The following CLYBL variants were observed in gnomAD, a reference collection of about 807,000 sequenced individuals.
The protein encoded by CLYBL is citramalyl-CoA lyase, mitochondrial.
In CLYBL, 31 loss-of-function variants were observed where a neutral mutation model predicts 38.9. The ratio of observed to expected loss-of-function variants is 0.80; its 90% confidence interval spans 0.60 to 1.08. The LOEUF (loss-of-function observed/expected upper bound fraction) is 1.08. CLYBL is among the 50% of genes least tolerant of loss of function. The pLI is 0.00. For missense variants in CLYBL, 434 were observed against 411.6 expected, an observed-to-expected ratio of 1.05 and a Z score of -0.47; for synonymous variants, 171 against 158.6, an observed-to-expected ratio of 1.08 and a Z score of -0.59.
intron 1 of CLYBL, among the ~76,000 whole-genome samples, chr13:99,661,384 A>G (rs2047406859): frequency 6.6e-6 from 1 of 152,150 alleles, no homozygotes; most frequent in South Asian, 2.1e-4. Context: ...TTTGTAACAG[A>G]TTGTTTTCCT....
At chr13:99,687,792 G>A (rs569952820) in intron 1 of CLYBL, among the ~76,000 whole-genome samples, 65 of 152,314 alleles carry the variant, frequency 4.3e-4, no homozygotes, top group African/African-American at 1.5e-3. Flanking sequence ...TTAGTTATGT[G>A]AGAATATGTC....
At chr13:99,822,076 A>ATC (rs1454176240) in intron 2 of CLYBL, among the ~76,000 whole-genome samples, 1 of 152,212 alleles carries the variant, frequency 6.6e-6, no homozygotes, top group Non-Finnish European at 1.5e-5. Flanking sequence ...CAGTAGGGCC[A>ATC]TCTTAGATCA....
chr13:99,666,248 G>GTGAA (rs1262233848), intron 1 of CLYBL, among the ~76,000 whole-genome samples: 6 of 152,304 alleles, frequency 3.9e-5, no homozygotes, highest in African/African-American at 1.4e-4. Flanking sequence ...GGAGGTGGAG[G>GTGAA]TGAACACTGA....
At chr13:99,716,395 C>CTTTTTT (rs71689410) in intron 1 of CLYBL, among the ~76,000 whole-genome samples, 48 of 135,252 alleles carry the variant, frequency 3.5e-4, no homozygotes, top group African/African-American at 1.1e-3. Context: ...CTTTTCTTTT[C>CTTTTTT]TTTTTTTTTT....
At position 99,665,015 on chromosome 13, in the gene CLYBL, A is replaced by G. The variant is rs150604783; in HGVS notation, c.62+58258A>G. Among the ~76,000 whole-genome samples, 1,325 of 152,064 alleles carry G rather than the reference A, an allele frequency of 8.7e-3. 21 individuals carry two copies. The highest frequency in any genetic ancestry group is 0.03 in the African/African-American group (1,255 of 41,532). On this transcript the variant is annotated intron_variant, in intron 1 of 8. Transcript: ENST00000339105. ...TATTATAGCAGAAGAATGTTTTTCA[A>G]TTAAAAAGTGGTTTGGTTAAAATAT... is the stretch of plus-strand genomic sequence containing the variant.
In CLYBL at chr13:99,865,556, C is replaced by T. The variant is rs2139228105; in HGVS notation, c.634+645C>T. ...CCAGCCCCAGTGACCTGAAGACAGG[C>T]ACTTTCCCTAGGCAGGGAGTGGCAT... On this transcript the variant is annotated intron_variant, in intron 5 of 8. Coordinates refer to ENST00000339105, the MANE Select transcript of CLYBL (RefSeq NM_206808.5). The surrounding 1 kb of genome is among the most constrained non-coding windows in gnomAD (Gnocchi z 4.7). Among the ~76,000 whole-genome samples the T allele has an allele frequency of 6.6e-6, 1 of 152,316 alleles. No homozygotes were observed. The highest frequency in any genetic ancestry group is 1.9e-4 in the East Asian group (1 of 5,190).
intron 2 of CLYBL, among the ~76,000 whole-genome samples, chr13:99,827,483 T>A (rs2050717956): frequency 6.6e-6 from 1 of 152,132 alleles, no homozygotes; most frequent in Non-Finnish European, 1.5e-5. Context: ...CAGGACCCCA[T>A]GCATGGCCCA....
intron 2 of CLYBL, among the ~76,000 whole-genome samples, chr13:99,833,030 A>ATTTTT (rs869061868): frequency 1.1e-4 from 4 of 35,870 alleles, no homozygotes; most frequent in African/African-American, 5.6e-4. Context: ...ATATATATAT[A>ATTTTT]TTTTTTTTTT....
chr13:99,792,610 A>G (rs185284203), intron 2 of CLYBL, among the ~76,000 whole-genome samples: 1 of 152,102 alleles, frequency 6.6e-6, no homozygotes, highest in Non-Finnish European at 1.5e-5. Context: ...GAGTTTCTCA[A>G]CTGGGCCATG....
chr13:99,762,952 T>C (rs1234036814), intron 1 of CLYBL, among the ~76,000 whole-genome samples: 1 of 152,220 alleles, frequency 6.6e-6, no homozygotes, highest in Non-Finnish European at 1.5e-5. Context: ...AATTGCTTTC[T>C]TGATATCTTT....
intron 1 of CLYBL, among the ~76,000 whole-genome samples, chr13:99,771,731 A>G (rs2049399881): frequency 1.3e-5 from 2 of 152,152 alleles, no homozygotes; most frequent in Non-Finnish European, 2.9e-5. Context: ...GAAAGAGCAT[A>G]GTTTAGAAGC....
chr13:99,642,541 A>T (rs75564233), intron 1 of CLYBL, among the ~76,000 whole-genome samples: 2 of 151,702 alleles, frequency 1.3e-5, no homozygotes, highest in African/African-American at 4.9e-5. Flanking sequence ...CAGCTTCCCG[A>T]GTAGCTAAGA....
chr13:99,896,075 C>T (rs7322872), downstream of CLYBL: 106,041 of 150,668 alleles, frequency 0.7, 38,300 homozygotes, highest in East Asian at 0.79. Context: ...CCTCGTCGCC[C>T]GCGCCCCCGG....
chr13:99,840,352 G>A (rs1005247953), intron 2 of CLYBL, among the ~76,000 whole-genome samples: 3 of 151,846 alleles, frequency 2.0e-5, no homozygotes, highest in South Asian at 2.1e-4. Flanking sequence ...TGGCTCATGC[G>A]TGTAATCCCA....
intron 1 of CLYBL, among the ~76,000 whole-genome samples, chr13:99,746,384 C>T (rs2048852067): frequency 1.4e-5 from 2 of 148,130 alleles, no homozygotes; most frequent in African/African-American, 2.5e-5. Flanking sequence ...TACATAGAAT[C>T]ACCAGTACTA....
chr13:99,777,181 CAACCCAGTTCGTG>C (rs1474274058), intron 2 of CLYBL, among the ~76,000 whole-genome samples: 1 of 151,884 alleles, frequency 6.6e-6, no homozygotes, highest in East Asian at 1.9e-4. Context: ...CCCCCACGCC[CAACCCAGTTCGTG>C]AATTATACCA....
At chr13:99,723,336 A>G (rs923910193) in intron 1 of CLYBL, among the ~76,000 whole-genome samples, 11 of 152,234 alleles carry the variant, frequency 7.2e-5, no homozygotes, top group Admixed American at 7.2e-4. Context: ...TTTAAGAAAA[A>G]CAGAAACATC....
intron 1 of CLYBL, among the ~76,000 whole-genome samples, chr13:99,682,188 G>C (rs1011886660): frequency 6.6e-6 from 1 of 151,558 alleles, no homozygotes; most frequent in Non-Finnish European, 1.5e-5. Context: ...CTGTCGCCCA[G>C]GCTGGAATGC....
chr13:99,902,331 T>C (rs2052652601), intron 8 of CLYBL, among the ~76,000 whole-genome samples: 2 of 152,180 alleles, frequency 1.3e-5, no homozygotes, highest in African/African-American at 4.8e-5. Context: ...CATAAAAGCG[T>C]TTTTAAAATA....
Sources: gnomAD v4.1 joint callset for allele counts (sites outside exome capture counted in the v4.1 genomes callset) on GRCh38, gnomAD v4.1.1 for gene constraint, Gnocchi (gnomAD v3.1) non-coding constraint, MANE v1.5 for transcripts, NCBI Gene and HGNC (gene_info 2026-07-23, HGNC 2026-07-21) for gene names.